CLHC1: variants seen among roughly 807,000 people sequenced by gnomAD.
CLHC1 encodes the protein clathrin heavy chain linker domain-containing protein 1.
CLHC1 carries 72 observed loss-of-function variants against 69.5 expected under a neutral mutation model. The ratio of observed to expected loss-of-function variants is 1.04; its 90% CI spans 0.86 to 1.26. The LOEUF is 1.26. Ranked by LOEUF, CLHC1 falls within the 50% of genes most tolerant of loss-of-function variation. The pLI is 0.00. For synonymous variants in CLHC1, 223 were observed against 224.3 expected (o/e 0.99, Z 0.05); for missense variants, 790 against 679.3 (o/e 1.16, Z -1.81).
At position 55,198,329 on chromosome 2, in the gene CLHC1, T is replaced by C. The variant is rs1365499538; in HGVS notation, c.1006+7941A>G. 2.6e-5 allele frequency among the ~76,000 whole-genome samples: 4 copies of C among 152,162 alleles called. No homozygotes were observed. In the East Asian group the frequency reaches 5.8e-4, roughly 22 times the overall value. ...GGCTGGGTGTGGTGGCTCACGCCTA[T>C]AATCCCAACACTTTGGGAGGCTGAG... is the stretch of plus-strand genomic sequence containing the variant. On this transcript the variant is annotated intron_variant, in intron 9 of 12. Coordinates refer to ENST00000401408, the MANE Select transcript of CLHC1 (RefSeq NM_152385.4).
intron 9 of CLHC1, among the ~76,000 whole-genome samples, chr2:55,197,261 C>G (rs928135201): frequency 1.3e-5 from 2 of 152,158 alleles, no homozygotes; most frequent in African/African-American, 4.8e-5. Context: ...CCACCCAGGC[C>G]TAGGGAACTC....
intron 2 of CLHC1, among the ~76,000 whole-genome samples, chr2:55,227,419 C>G (rs2104135177): frequency 6.6e-6 from 1 of 152,152 alleles, no homozygotes; most frequent in South Asian, 2.1e-4. Flanking sequence ...GTGGCTCACG[C>G]CTATAATCCC....
At chr2:55,229,339 G>A (rs1450713446) in intron 1 of CLHC1, among the ~76,000 whole-genome samples, 1 of 152,094 alleles carries the variant, frequency 6.6e-6, no homozygotes, top group Non-Finnish European at 1.5e-5. Flanking sequence ...CTGATAAGGT[G>A]ACATTTCAGA....
At chr2:55,218,943 G>A (rs1673846390) in intron 3 of CLHC1, among the ~76,000 whole-genome samples, 1 of 151,936 alleles carries the variant, frequency 6.6e-6, no homozygotes, top group Admixed American at 6.6e-5. Context: ...CTTTACCTAG[G>A]CAATATCTAG....
intron 11 of CLHC1, among the ~76,000 whole-genome samples, chr2:55,179,253 A>G (rs1046637677): frequency 6.6e-6 from 1 of 152,174 alleles, no homozygotes; most frequent in Non-Finnish European, 1.5e-5. Context: ...TCCTGTCACT[A>G]CATAACCAAA....
Position 55,217,717 on chromosome 2 carries a change from A to AT in CLHC1, c.365+93dup, listed in dbSNP as rs556910573. The stretch of plus-strand genomic sequence containing the variant: ...ATCATTTAAATAAAATTGAAATTCA[A>AT]TAAGACTAAGAACCACCAGCTAGAG... On this transcript the variant is annotated intron_variant, in intron 4 of 12. Coordinates refer to ENST00000401408, the MANE Select transcript of CLHC1 (RefSeq NM_152385.4). 1.6e-4 allele frequency: 112 copies of AT among 713,026 alleles called. 1 individual carries two copies. In the South Asian group the frequency reaches 3.8e-3, roughly 24 times the overall value. 44.2% of individuals were successfully genotyped at this position (713,026 alleles called of 1,614,324 possible).
At chr2:55,191,408 GTA>G (rs1558464525) in intron 9 of CLHC1, among the ~76,000 whole-genome samples, 2 of 152,060 alleles carry the variant, frequency 1.3e-5, no homozygotes, top group Non-Finnish European at 2.9e-5. Context: ...GCTAATTTTT[GTA>G]TTTTTAGTAG....
At chr2:55,191,001 G>A (rs906733389) in intron 9 of CLHC1, among the ~76,000 whole-genome samples, 1 of 152,140 alleles carries the variant, frequency 6.6e-6, no homozygotes, top group African/African-American at 2.4e-5. Flanking sequence ...CATATGTACG[G>A]AAGTACAAAG....
At chr2:55,225,331 T>A (rs1011207408) in intron 2 of CLHC1, 1 of 152,284 alleles carries the variant, frequency 6.6e-6, no homozygotes, top group Non-Finnish European at 1.5e-5. Context: ...GGGATAGAAT[T>A]ACTTCCCATC....
At chr2:55,198,534 G>A (rs1192586223) in intron 9 of CLHC1, among the ~76,000 whole-genome samples, 2 of 151,644 alleles carry the variant, frequency 1.3e-5, no homozygotes, top group African/African-American at 2.4e-5. Context: ...GCAGTGAGCC[G>A]AGATCACACC....
rs1465150426 is a variant in CLHC1 at position 55,206,379 on chromosome 2, A to G, written c.900-3T>C. The G allele has an allele frequency of 5.9e-6, 9 of 1,532,306 alleles. No homozygotes were observed. Among genetic ancestry groups the G allele is most frequent in the South Asian group, 5.6e-5 (5 of 89,316 alleles). The allele number at this position is 1,532,306 out of a possible 1,614,324, so 94.9% of individuals were successfully genotyped here. On this transcript the variant is annotated splice_polypyrimidine_tract_variant and splice_region_variant and intron_variant, in intron 8 of 12. Coordinates refer to ENST00000401408, the MANE Select transcript of CLHC1 (RefSeq NM_152385.4). ...CAAGTGAGATTAACTCATTAAACCT[A>G]TAGCCATCACATTTTAAAATGCATT...
At chr2:55,214,183 A>G (rs1454375931) in intron 4 of CLHC1, among the ~76,000 whole-genome samples, 1 of 152,222 alleles carries the variant, frequency 6.6e-6, no homozygotes, top group Non-Finnish European at 1.5e-5. Flanking sequence ...ATTTTTGTCA[A>G]TACATAAATG....
intron 9 of CLHC1, among the ~76,000 whole-genome samples, chr2:55,191,129 C>A (rs1385441495): frequency 6.6e-6 from 1 of 152,136 alleles, no homozygotes; most frequent in Non-Finnish European, 1.5e-5. Flanking sequence ...AAATACCTTT[C>A]AAAAGCGAAG....
At chr2:55,196,767 C>G (rs921446946) in intron 9 of CLHC1, among the ~76,000 whole-genome samples, 6 of 152,126 alleles carry the variant, frequency 3.9e-5, no homozygotes, top group Non-Finnish European at 7.4e-5. Flanking sequence ...CAGCACATTC[C>G]CAGCTGTAAT....
chr2:55,212,721 C>G lies in CLHC1; in HGVS notation c.451G>C (p.Glu151Gln), dbSNP rs377066525. The G allele has an allele frequency of 6.9e-6, 11 of 1,598,056 alleles. No individual in the cohort carries two copies. In the African/African-American group the frequency reaches 1.2e-4, roughly 18 times the overall value. Residue 151 changes from glutamate to glutamine, a missense_variant, in exon 5 of 13, where the codon GAA (glutamate) becomes CAA (glutamine). Glu to Gln is a conservative substitution (Grantham distance 29). Transcript: ENST00000401408. ...TTGGAGAAAGTACAATATTTTACTT[C>G]TTTTGTGTCATACTCTGCCCTACAC... Reference protein sequence around the residue: ...KQCRAEYDTKEVKYCTFSKDP... With the variant: ...KQCRAEYDTKQVKYCTFSKDP...
intron 7 of CLHC1, among the ~76,000 whole-genome samples, chr2:55,209,140 T>C (rs1368366298): frequency 1.3e-5 from 2 of 152,168 alleles, no homozygotes; most frequent in Admixed American, 6.5e-5. Context: ...CCCAAAGTGC[T>C]GGGATTACAG....
At chr2:55,179,880 T>C (rs1475078548) in intron 11 of CLHC1, among the ~76,000 whole-genome samples, 1 of 152,162 alleles carries the variant, frequency 6.6e-6, no homozygotes, top group Non-Finnish European at 1.5e-5. Flanking sequence ...ACAGGCTGGG[T>C]GCGGTGGCTC....
At chr2:55,229,163 A>AAAG (rs1675011545) in intron 1 of CLHC1, among the ~76,000 whole-genome samples, 1 of 149,832 alleles carries the variant, frequency 6.7e-6, no homozygotes, top group Admixed American at 6.6e-5. Flanking sequence ...AAAAAAAAAA[A>AAAG]AAAAAAGAAA....
intron 1 of CLHC1, among the ~76,000 whole-genome samples, chr2:55,230,365 T>C (rs1675175031): frequency 6.6e-6 from 1 of 152,218 alleles, no homozygotes; most frequent in African/African-American, 2.4e-5. Context: ...TTGCCATATA[T>C]AAACATGGGA....
Sources: allele counts gnomAD v4.1 joint callset (sites outside exome capture counted in the v4.1 genomes callset), GRCh38; gene constraint gnomAD v4.1.1; transcripts MANE v1.5; gene names NCBI Gene and HGNC (gene_info 2026-07-23, HGNC 2026-07-21).